PAGE2B: variants seen among roughly 807,000 people sequenced by gnomAD.
PAGE2B encodes the protein putative G antigen family E member 3.
A neutral mutation model predicts 7.6 loss-of-function variants in PAGE2B; 5 were observed. The ratio of observed to expected loss-of-function variants is 0.66; its 90% CI spans 0.34 to 1.38. PAGE2B has a LOEUF of 1.38. Among genes scored for constraint, PAGE2B ranks in the 40% most tolerant of loss-of-function variants. PAGE2B has a pLI of 0.04. For missense variants in PAGE2B, 70 were observed against 78.4 expected (o/e 0.89, Z 0.41); for synonymous variants, 29 against 26.7 (o/e 1.09, Z -0.27).
the PAGE2B span, among the ~76,000 whole-genome samples, chrX:55,066,256 A>G: frequency 9.0e-6 from 1 of 110,934 alleles, no homozygotes; most frequent in Non-Finnish European, 1.9e-5. Context: ...ACGTGCAGCT[A>G]ATTTTTGTAT....
the PAGE2B span, among the ~76,000 whole-genome samples, chrX:55,068,672 A>G: frequency 8.9e-6 from 1 of 112,009 alleles, no homozygotes; most frequent in Non-Finnish European, 1.9e-5. Flanking sequence ...ATCCATGAAC[A>G]TGGAATGTTT....
At chrX:55,066,338 A>G in the PAGE2B span, among the ~76,000 whole-genome samples, 2 of 111,476 alleles carry the variant, frequency 1.8e-5, no homozygotes, top group African/African-American at 3.3e-5. Context: ...TGATCCACCC[A>G]CCTCGGCCTC....
chrX:55,043,101 T>A, the PAGE2B span, among the ~76,000 whole-genome samples: 1 of 111,277 alleles, frequency 9.0e-6, no homozygotes, highest in East Asian at 2.8e-4. Context: ...GGAAAGGACA[T>A]CCTATTCAAT....
the PAGE2B span, among the ~76,000 whole-genome samples, chrX:55,046,727 TA>T: frequency 9.0e-6 from 1 of 111,631 alleles, no homozygotes; most frequent in African/African-American, 3.3e-5. Flanking sequence ...TGAAGGAGTC[TA>T]AACAGCAGAG....
chrX:55,060,526 C>T, the PAGE2B span, among the ~76,000 whole-genome samples: 2 of 111,403 alleles, frequency 1.8e-5, no homozygotes, highest in Non-Finnish European at 3.8e-5. Flanking sequence ...GATATTAACC[C>T]GTTATCAGAT....
intron 2 of PAGE2B, 97 bp from the exon 3 acceptor site, chrX:55,076,472 G>T (rs1032429945): frequency 1.2e-6 from 1 of 803,684 alleles, no homozygotes; most frequent in African/African-American, 2.1e-5. Context: ...GTTTATATAT[G>T]TTGGAAAAAT....
At chrX:55,065,887 T>C in the PAGE2B span, among the ~76,000 whole-genome samples, 1 of 111,772 alleles carries the variant, frequency 8.9e-6, no homozygotes, top group Non-Finnish European at 1.9e-5. Context: ...CTCTTTGTAG[T>C]TTATCTTTAT....
chrX:55,038,652 T>C, the PAGE2B span, among the ~76,000 whole-genome samples: 1 of 111,916 alleles, frequency 8.9e-6, no homozygotes, highest in Admixed American at 9.5e-5. Flanking sequence ...TATAAATAAA[T>C]AAGATGATGG....
At chrX:55,036,416 A>G in the PAGE2B span, among the ~76,000 whole-genome samples, 1 of 111,430 alleles carries the variant, frequency 9.0e-6, no homozygotes, top group Non-Finnish European at 1.9e-5. Flanking sequence ...TTGTCCATTC[A>G]GTATGATACT....
chrX:55,048,248 G>A, the PAGE2B span, among the ~76,000 whole-genome samples: 2 of 110,514 alleles, frequency 1.8e-5, no homozygotes, highest in Admixed American at 9.6e-5. Flanking sequence ...GTCAGGTAGC[G>A]TGATGCTTCT....
chrX:55,038,169 T>C, the PAGE2B span, among the ~76,000 whole-genome samples: 60 of 110,780 alleles, frequency 5.4e-4, 1 homozygote, highest in African/African-American at 1.9e-3. Flanking sequence ...CAAGAAAACC[T>C]GGAAAGAAAA....
chrX:55,048,930 C>T, the PAGE2B span, among the ~76,000 whole-genome samples: 1 of 110,916 alleles, frequency 9.0e-6, no homozygotes, highest in East Asian at 2.8e-4. Flanking sequence ...CAGTATGATA[C>T]TGGCTGTGGG....
the PAGE2B span, among the ~76,000 whole-genome samples, chrX:55,054,774 G>T: frequency 9.0e-6 from 1 of 111,631 alleles, no homozygotes; most frequent in South Asian, 3.7e-4. Context: ...TCATTTAAAA[G>T]AAAAACTTAT....
upstream of PAGE2B, among the ~76,000 whole-genome samples, chrX:55,073,198 G>A (rs747139773): frequency 8.9e-6 from 1 of 112,115 alleles, no homozygotes; most frequent in African/African-American, 3.2e-5. Flanking sequence ...GGGCCCTGCT[G>A]ATGTTGGCAC....
At chrX:55,030,737 G>T in the PAGE2B span, among the ~76,000 whole-genome samples, 1 of 111,292 alleles carries the variant, frequency 9.0e-6, no homozygotes, top group Non-Finnish European at 1.9e-5. Context: ...AGAAAGTAAC[G>T]AAGGGAAAAA....
At chrX:55,072,000 A>G (rs1199392328), upstream of PAGE2B, among the ~76,000 whole-genome samples, 1 of 111,953 alleles carries the variant, frequency 8.9e-6, no homozygotes, top group African/African-American at 3.2e-5. Context: ...GGGTTAGAAC[A>G]TGCTCCTTAG....
chrX:55,044,461 G>A, the PAGE2B span, among the ~76,000 whole-genome samples: 1 of 111,396 alleles, frequency 9.0e-6, no homozygotes, highest in African/African-American at 3.3e-5. Flanking sequence ...TGGGGGGAAG[G>A]GTGGATGGGG....
chrX:55,063,518 T>C, the PAGE2B span, among the ~76,000 whole-genome samples: 1 of 111,252 alleles, frequency 9.0e-6, no homozygotes, highest in Admixed American at 9.6e-5. Context: ...ACAAGGATGA[T>C]TCGACTCCTT....
At chrX:55,063,524 T>G in the PAGE2B span, among the ~76,000 whole-genome samples, 1 of 111,216 alleles carries the variant, frequency 9.0e-6, no homozygotes, top group Non-Finnish European at 1.9e-5. Context: ...ATGATTCGAC[T>G]CCTTCCTTCC....
Sources: gnomAD v4.1 joint callset for allele counts (sites outside exome capture counted in the v4.1 genomes callset) on GRCh38, gnomAD v4.1.1 for gene constraint, MANE v1.5 for transcripts, NCBI Gene and HGNC (gene_info 2026-07-23, HGNC 2026-07-21) for gene names.